Variants in PTPRT observed in about 807,000 individuals in gnomAD.
PTPRT encodes the protein receptor-type tyrosine-protein phosphatase T.
PTPRT carries 56 observed loss-of-function variants against 176.8 expected under a neutral mutation model. The observed-to-expected ratio is 0.32, with a 90% CI of 0.26 to 0.40. PTPRT has a LOEUF of 0.40. Ranked by LOEUF, PTPRT falls within the 10% of genes least tolerant of loss-of-function variation. The pLI is 1.00. For missense variants in PTPRT, 1,540 were observed against 1,908.2 expected (o/e 0.81, Z 3.60); for synonymous variants, 783 against 739.0 (o/e 1.06, Z -0.96).
the PTPRT span, among the ~76,000 whole-genome samples, chr20:42,061,660 C>T: frequency 6.6e-6 from 1 of 152,172 alleles, no homozygotes; most frequent in Non-Finnish European, 1.5e-5. Flanking sequence ...GTGGGAAACC[C>T]TATCAACATC....
intron 2 of PTPRT, among the ~76,000 whole-genome samples, chr20:42,883,066 G>T (rs1296972408): frequency 6.6e-6 from 1 of 152,218 alleles, no homozygotes; most frequent in Non-Finnish European, 1.5e-5. Flanking sequence ...GAGCTTTGGA[G>T]ACCACAACAG....
chr20:42,862,944 C>G (rs1192560858), intron 2 of PTPRT, among the ~76,000 whole-genome samples: 1 of 152,138 alleles, frequency 6.6e-6, no homozygotes, highest in African/African-American at 2.4e-5. Flanking sequence ...AAAAACTAAC[C>G]CATACAGAGA....
intron 1 of PTPRT, among the ~76,000 whole-genome samples, chr20:43,153,279 T>C (rs965398503): frequency 3.9e-5 from 6 of 152,150 alleles, no homozygotes; most frequent in Non-Finnish European, 4.4e-5. Flanking sequence ...AATATATCCA[T>C]AGGAAAAAGT....
Position 42,561,793 on chromosome 20 carries a change from A to G in PTPRT, c.1154-89231T>C, listed in dbSNP as rs570173022. Among the ~76,000 whole-genome samples, 3 of 152,300 alleles carry G rather than the reference A, an allele frequency of 2.0e-5. No individual in the cohort carries two copies. In the East Asian group the frequency reaches 5.8e-4, roughly 29 times the overall value. On this transcript the variant is annotated intron_variant, in intron 7 of 30. Coordinates refer to ENST00000373187, the MANE Select transcript of PTPRT (RefSeq NM_007050.6). The stretch of plus-strand genomic sequence containing the variant: ...ACTGACACGCACCGCTGAAGAGCAT[A>G]AAACTATAAAATGGAGTTTCTGCCT...
At position 43,186,409 on chromosome 20, in the gene PTPRT, T is replaced by G. The variant is rs538300088; in HGVS notation, c.88+3237A>C. Among the ~76,000 whole-genome samples the G allele has an allele frequency of 9.9e-5, 15 of 151,636 alleles. No homozygotes were observed. In the South Asian group the frequency reaches 2.7e-3, roughly 28 times the overall value. On this transcript the variant is annotated intron_variant, in intron 1 of 30. Coordinates refer to ENST00000373187, the MANE Select transcript of PTPRT (RefSeq NM_007050.6). The stretch of plus-strand genomic sequence containing the variant: ...TCTCTTCACCATCATCAGTAAATAT[T>G]TATCAAGGACCACCGCCTACACAGC...
chr20:43,116,848 G>A (rs767316596), intron 1 of PTPRT, among the ~76,000 whole-genome samples: 3 of 152,178 alleles, frequency 2.0e-5, no homozygotes, highest in Non-Finnish European at 4.4e-5. Context: ...CCATGTGGTT[G>A]AAGCATGGCT....
chr20:42,085,082 A>G (rs1983749670), intron 28 of PTPRT, among the ~76,000 whole-genome samples: 1 of 151,874 alleles, frequency 6.6e-6, no homozygotes, highest in African/African-American at 2.4e-5. Flanking sequence ...AGCCTTCAAA[A>G]CCCAATTTAA....
intron 1 of PTPRT, among the ~76,000 whole-genome samples, chr20:43,103,261 C>T (rs549457858): frequency 2.6e-5 from 4 of 152,298 alleles, no homozygotes; most frequent in African/African-American, 9.6e-5. Context: ...CCCAACCCAA[C>T]ACCTCCAGGT....
intron 6 of PTPRT, among the ~76,000 whole-genome samples, chr20:42,690,727 TGGAAA>T (rs1569087151): frequency 1.3e-4 from 20 of 152,346 alleles, no homozygotes; most frequent in African/African-American, 4.6e-4. Context: ...TGAGGTGTAC[TGGAAA>T]GTAAAAGATC....
chr20:42,985,966 G>A (rs569602330), intron 1 of PTPRT, among the ~76,000 whole-genome samples: 8 of 152,282 alleles, frequency 5.3e-5, no homozygotes, highest in Admixed American at 1.3e-4. Context: ...ATTTATGACC[G>A]TGAACCACAG....
intron 7 of PTPRT, among the ~76,000 whole-genome samples, chr20:42,590,202 A>G (rs1224858285): frequency 6.6e-6 from 1 of 152,176 alleles, no homozygotes; most frequent in Non-Finnish European, 1.5e-5. Context: ...GGCAGCCAGC[A>G]TTAACCTCCA....
intron 23 of PTPRT, 88 bp from the exon 24 acceptor site, chr20:42,107,009 G>A: frequency 6.7e-7 from 1 of 1,490,514 alleles, no homozygotes; most frequent in South Asian, 1.4e-5. Context: ...TATCCCCAAG[G>A]GTCCTGCTGG....
At chr20:42,915,990 T>A (rs1274123839) in intron 1 of PTPRT, among the ~76,000 whole-genome samples, 1 of 152,052 alleles carries the variant, frequency 6.6e-6, no homozygotes, top group Non-Finnish European at 1.5e-5. Context: ...ATACTTTAAG[T>A]TTTAGGGTAC....
chr20:42,217,372 AACATAC>A (rs1247808140), intron 15 of PTPRT, among the ~76,000 whole-genome samples: 1 of 64,038 alleles, frequency 1.6e-5, no homozygotes, highest in East Asian at 5.4e-4. Context: ...GAGACTCTCA[AACATAC>A]ACACACACAC....
chr20:42,745,020 C>A (rs949124262), intron 6 of PTPRT, among the ~76,000 whole-genome samples: 1 of 152,184 alleles, frequency 6.6e-6, no homozygotes, highest in Non-Finnish European at 1.5e-5. Flanking sequence ...TGAAAGGTAG[C>A]AGAAAATTTC....
chr20:42,695,358 G>A (rs2075858242), intron 6 of PTPRT, among the ~76,000 whole-genome samples: 1 of 152,078 alleles, frequency 6.6e-6, no homozygotes, highest in Non-Finnish European at 1.5e-5. Context: ...CTGATGAAAT[G>A]GTGTTCAGTC....
At chr20:42,811,913 C>T (rs1473160461) in intron 2 of PTPRT, among the ~76,000 whole-genome samples, 1 of 152,126 alleles carries the variant, frequency 6.6e-6, no homozygotes, top group Non-Finnish European at 1.5e-5. Flanking sequence ...ATGGATATTA[C>T]ACTGCCTGAG....
At chr20:42,771,986 T>G (rs186921661) in intron 4 of PTPRT, among the ~76,000 whole-genome samples, 115 of 152,130 alleles carry the variant, frequency 7.6e-4, no homozygotes, top group African/African-American at 2.5e-3. Flanking sequence ...ACACTGAAAG[T>G]TAAAAGAAAA....
chr20:42,459,504 G>T (rs1322465594), intron 8 of PTPRT, among the ~76,000 whole-genome samples: 1 of 152,134 alleles, frequency 6.6e-6, no homozygotes, highest in Non-Finnish European at 1.5e-5. Flanking sequence ...AATAATCTGG[G>T]GTGCAGAGCA....
Sources: gnomAD v4.1 joint callset for allele counts (sites outside exome capture counted in the v4.1 genomes callset) on GRCh38, gnomAD v4.1.1 for gene constraint, MANE v1.5 for transcripts, NCBI Gene and HGNC (gene_info 2026-07-23, HGNC 2026-07-21) for gene names.